Variants in MYO5C observed in about 807,000 individuals in gnomAD.
MYO5C encodes unconventional myosin-Vc.
A neutral mutation model predicts 235.7 loss-of-function variants in MYO5C; 194 were observed. The observed-to-expected ratio is 0.82, with a 90% CI of 0.73 to 0.93. MYO5C has a LOEUF of 0.93. Ranked by LOEUF, MYO5C falls within the 40% of genes least tolerant of loss-of-function variation. The pLI is 0.00. For synonymous variants in MYO5C, 707 were observed against 754.8 expected (o/e 0.94, Z 1.04); for missense variants, 2,038 against 2,127.2 (o/e 0.96, Z 0.82).
intron 7 of MYO5C, among the ~76,000 whole-genome samples, chr15:52,271,511 G>A (rs1007260463): frequency 1.1e-4 from 17 of 152,140 alleles, no homozygotes; most frequent in African/African-American, 4.1e-4. Context: ...TTACAGGTGT[G>A]AGCCATCACG....
At position 52,261,036 on chromosome 15, in the gene MYO5C, G is replaced by A. The variant is rs1596204557; in HGVS notation, c.1139C>T (p.Thr380Ile). 8 of 1,614,224 alleles carry A rather than the reference G, an allele frequency of 5.0e-6. No individual in the cohort carries two copies. In the East Asian group the frequency reaches 1.8e-4, roughly 36 times the overall value. Residue 380 changes from threonine (T) to isoleucine (I), a missense_variant, in exon 10 of 41, where the codon ACA becomes ATA. Coordinates refer to ENST00000261839, the MANE Select transcript of MYO5C (RefSeq NM_018728.4). The stretch of plus-strand genomic sequence containing the variant: ...GGGTTTTACCACCGTCTCAGAGCTT[G>A]TGACGATTTTGCGATTGCACAGCCA... ...AQWLCNRKIV[T>I]SSETVVKPMT...
intron 36 of MYO5C, among the ~76,000 whole-genome samples, chr15:52,207,059 G>A (rs1378211691): frequency 3.3e-5 from 5 of 151,958 alleles, no homozygotes; most frequent in African/African-American, 1.2e-4. Context: ...CTTGAACCTG[G>A]GAAGCAAAGG....
chr15:52,289,962 C>G (rs1456489053), intron 1 of MYO5C, among the ~76,000 whole-genome samples: 1 of 152,190 alleles, frequency 6.6e-6, no homozygotes, highest in Non-Finnish European at 1.5e-5. Context: ...CTAGCCCCAC[C>G]CATCCTCTCC....
intron 11 of MYO5C, 127 bp from the exon 12 acceptor site, chr15:52,253,584 C>T: frequency 1.1e-6 from 1 of 904,462 alleles, no homozygotes; most frequent in Non-Finnish European, 1.7e-6. Flanking sequence ...AAGAAGGACC[C>T]TGAAGTATAG....
chr15:52,220,218 T>C (rs893384725), intron 30 of MYO5C, among the ~76,000 whole-genome samples: 2 of 152,242 alleles, frequency 1.3e-5, no homozygotes, highest in African/African-American at 4.8e-5. Flanking sequence ...CATTTAAAAA[T>C]TGTTCCACAT....
chr15:52,245,689 G>A (rs757827365), intron 17 of MYO5C, among the ~76,000 whole-genome samples: 7 of 152,184 alleles, frequency 4.6e-5, no homozygotes, highest in African/African-American at 7.2e-5. Context: ...CCCACTCAGC[G>A]TCTTCCCTAG....
intron 6 of MYO5C, 113 bp downstream of exon 6, chr15:52,272,467 G>C (rs936301771): frequency 1.3e-5 from 13 of 1,038,888 alleles, no homozygotes; most frequent in African/African-American, 1.6e-5. Flanking sequence ...TGAAAGACAA[G>C]AAAACCCTAC....
At chr15:52,240,699 T>A (rs1389501235) in intron 20 of MYO5C, among the ~76,000 whole-genome samples, 3 of 152,104 alleles carry the variant, frequency 2.0e-5, no homozygotes, top group African/African-American at 7.2e-5. Flanking sequence ...GCCACTGCAC[T>A]CCAGCCTGGG....
chr15:52,258,173 T>C (rs1392088411), intron 10 of MYO5C, among the ~76,000 whole-genome samples: 2 of 152,184 alleles, frequency 1.3e-5, no homozygotes, highest in East Asian at 1.9e-4. Context: ...TTAGGACCCA[T>C]GGAAAGACCT....
At chr15:52,244,667 A>C in intron 18 of MYO5C, 100 bp from the exon 19 acceptor site, 2 of 795,874 alleles carry the variant, frequency 2.5e-6, no homozygotes, top group East Asian at 2.7e-5. Context: ...TGCCAGAAAT[A>C]TTGTGATTTT....
chr15:52,195,884 G>A (rs1009703629), intron 39 of MYO5C, among the ~76,000 whole-genome samples: 14 of 147,120 alleles, frequency 9.5e-5, no homozygotes, highest in Admixed American at 6.4e-4. Flanking sequence ...CTGCAGCCTC[G>A]AACCCCTGGA....
At chr15:52,278,814 C>T in intron 4 of MYO5C, 59 bp downstream of exon 4, 1 of 1,593,532 alleles carries the variant, frequency 6.3e-7, no homozygotes, top group East Asian at 2.2e-5. Flanking sequence ...CTGTGATGGT[C>T]TGGCAAATGC....
rs760964658 is a variant in MYO5C at position 52,219,739 on chromosome 15, A to G, written c.3785+20T>C. ...CATTACACGAGCATGAACTTGAGGT[A>G]CACACATATTTACACTTACTTTCTT... On this transcript the variant is annotated intron_variant, in intron 31 of 40. Coordinates refer to ENST00000261839, the MANE Select transcript of MYO5C (RefSeq NM_018728.4). 25 of 1,586,030 alleles carry G rather than the reference A, an allele frequency of 1.6e-5. No homozygotes were observed. The highest frequency in any genetic ancestry group is 2.2e-5 in the Non-Finnish European group (25 of 1,155,880).
Position 52,295,667 on chromosome 15 carries a change from T to C in MYO5C, c.-31A>G. 3 of 1,398,776 alleles carry C rather than the reference T, an allele frequency of 2.1e-6. No individual in the cohort carries two copies. The highest frequency in any genetic ancestry group is 1.9e-6 in the Non-Finnish European group (2 of 1,075,218). The allele number at this position is 1,398,776 out of a possible 1,614,324, so 86.6% of individuals were successfully genotyped here. On this transcript the variant is annotated 5_prime_UTR_variant, in exon 1 of 41. Transcript: ENST00000261839. ...GGAGGGGCCGGGGCCAGGCCGGGGC[T>C]GCCGAACGTGCGAGGCTCGGGGGCT...
At chr15:52,292,594 T>C (rs1208202531) in intron 1 of MYO5C, among the ~76,000 whole-genome samples, 1 of 152,254 alleles carries the variant, frequency 6.6e-6, no homozygotes, top group East Asian at 1.9e-4. Context: ...ATCGTCTCCA[T>C]GGTCCTAGCT....
chr15:52,274,675 C>G (rs930247535), intron 5 of MYO5C, among the ~76,000 whole-genome samples: 1 of 148,162 alleles, frequency 6.7e-6, no homozygotes, highest in Non-Finnish European at 1.5e-5. Flanking sequence ...TTAGTACCCC[C>G]CCCCCGACAT....
intron 23 of MYO5C, among the ~76,000 whole-genome samples, chr15:52,233,313 AAT>A (rs1443923264): frequency 0.012 from 137 of 11,672 alleles, 37 homozygotes; most frequent in East Asian, 0.059. Flanking sequence ...AAAAAAAAAA[AAT>A]AAATAAATAA....
chr15:52,281,084 T>C (rs2037153961), intron 2 of MYO5C, among the ~76,000 whole-genome samples: 1 of 152,224 alleles, frequency 6.6e-6, no homozygotes, highest in African/African-American at 2.4e-5. Context: ...ATGCTTCTCA[T>C]ACATACTGAC....
At chr15:52,260,029 T>G (rs2140823018) in intron 10 of MYO5C, among the ~76,000 whole-genome samples, 1 of 152,266 alleles carries the variant, frequency 6.6e-6, no homozygotes, top group Non-Finnish European at 1.5e-5. Flanking sequence ...GAAACCAGGG[T>G]GGGTCCCAGG....
Sources: allele counts gnomAD v4.1 joint callset (sites outside exome capture counted in the v4.1 genomes callset), GRCh38; gene constraint gnomAD v4.1.1; transcripts MANE v1.5; gene names NCBI Gene and HGNC (gene_info 2026-07-23, HGNC 2026-07-21).